The following CLASP1 variants were observed in gnomAD, a reference collection of about 807,000 sequenced individuals.
CLASP1 encodes the protein CLIP-associating protein 1.
CLASP1 carries 38 observed loss-of-function variants against 192.3 expected under a neutral mutation model. The ratio of observed to expected loss-of-function variants is 0.20; its 90% confidence interval spans 0.15 to 0.26. The LOEUF (loss-of-function observed/expected upper bound fraction) is 0.26, where lower values mean the gene tolerates loss of function less well. Ranked by LOEUF, CLASP1 falls within the 10% of genes least tolerant of loss-of-function variation. CLASP1 has a pLI of 1.00. For synonymous variants in CLASP1, 691 were observed against 712.8 expected (o/e 0.97, Z 0.49); for missense variants, 1,433 against 1,932.5 (o/e 0.74, Z 4.85).
chr2:121,623,973 A>C (rs1429995335), intron 1 of CLASP1, among the ~76,000 whole-genome samples: 3 of 152,186 alleles, frequency 2.0e-5, no homozygotes, highest in South Asian at 2.1e-4. Flanking sequence ...ATTTCCTTAT[A>C]ATCTTTTTTA....
At chr2:121,535,053 G>A (rs189160090) in intron 2 of CLASP1, among the ~76,000 whole-genome samples, 236 of 152,286 alleles carry the variant, frequency 1.5e-3, no homozygotes, top group African/African-American at 5.2e-3. Context: ...AGAGGCAGGC[G>A]GATTGCCTTA....
intron 2 of CLASP1, among the ~76,000 whole-genome samples, chr2:121,584,423 C>T (rs577678873): frequency 7.9e-5 from 12 of 152,270 alleles, no homozygotes; most frequent in South Asian, 4.1e-4. Context: ...GCTTACATGG[C>T]GACTTAAAGT....
At chr2:121,550,152 G>C (rs2057902856) in intron 2 of CLASP1, among the ~76,000 whole-genome samples, 1 of 151,996 alleles carries the variant, frequency 6.6e-6, no homozygotes. Flanking sequence ...AAAGACTTTA[G>C]GGTAAATAAA....
At chr2:121,640,238 G>A (rs2071779668) in intron 1 of CLASP1, among the ~76,000 whole-genome samples, 1 of 151,962 alleles carries the variant, frequency 6.6e-6, no homozygotes, top group African/African-American at 2.4e-5. Flanking sequence ...GGGGCCGGGG[G>A]AGGAATAGCA....
intron 2 of CLASP1, among the ~76,000 whole-genome samples, chr2:121,548,728 G>C (rs1325973400): frequency 6.6e-6 from 1 of 151,766 alleles, no homozygotes; most frequent in Admixed American, 6.6e-5. Context: ...CTGAAACCCT[G>C]TAAGTCAGAA....
chr2:121,519,887 G>GC (rs1006811470), intron 6 of CLASP1, among the ~76,000 whole-genome samples: 4 of 152,172 alleles, frequency 2.6e-5, no homozygotes, highest in African/African-American at 4.8e-5. Context: ...GGACAATGCA[G>GC]CTATTCACTT....
Position 121,502,740 on chromosome 2 carries a change from T to A in CLASP1, c.712+427A>T, listed in dbSNP as rs1248751972. ...AGTCTTTGGAGGATTAGGAAGAAGA[T>A]TAACACCACCCGACTTGTATTCTGA... is the stretch of plus-strand genomic sequence containing the variant. On this transcript the variant is annotated intron_variant, in intron 8 of 39. Coordinates refer to ENST00000263710, the Ensembl canonical transcript of CLASP1. Among the ~76,000 whole-genome samples, 4 of 152,090 alleles carry A rather than the reference T, an allele frequency of 2.6e-5. No homozygotes were observed. The South Asian group carries it at 6.2e-4, about 24-fold the overall frequency.
chr2:121,594,540 CCGAT>C lies in CLASP1; in HGVS notation c.195+11157_195+11160del, dbSNP rs879678883. On this transcript the variant is annotated intron_variant, in intron 2 of 39. Transcript: ENST00000263710. ...CCCGAGTAGCTGGGACTACAGGCAC[CCGAT>C]ACCACGCCCGGCTAATTTCTGTATT... Among the ~76,000 whole-genome samples the C allele has an allele frequency of 2.7e-3, 413 of 151,478 alleles. 2 individuals carry two copies. Among genetic ancestry groups the C allele is most frequent in the Middle Eastern group, 6.8e-3 (2 of 292 alleles).
rs1401325187 is a variant in CLASP1 at position 121,563,452 on chromosome 2, T to C, written c.196-33127A>G. ...CTCTTCCATTCCAGAATTTCACTCA[T>C]GCTTTCAAACATACCATGCTTTTAG... On this transcript the variant is annotated intron_variant, in intron 2 of 39. Coordinates refer to ENST00000263710, the Ensembl canonical transcript of CLASP1. 2.6e-5 allele frequency among the ~76,000 whole-genome samples: 4 copies of C among 152,218 alleles called. No individual in the cohort carries two copies. In the South Asian group the frequency reaches 6.2e-4, roughly 24 times the overall value.
At chr2:121,632,061 AAAATAAAATAAAT>A (rs1003209349) in intron 1 of CLASP1, among the ~76,000 whole-genome samples, 4 of 152,000 alleles carry the variant, frequency 2.6e-5, no homozygotes, top group Admixed American at 6.6e-5. Context: ...CAAATAAAAT[AAAATAAAATAAAT>A]AAATAAAATA....
intron 8 of CLASP1, chr2:121,490,265 T>G (rs2093228869): frequency 4.4e-6 from 2 of 454,280 alleles, no homozygotes; most frequent in African/African-American, 2.0e-5. Context: ...TATATTAGAA[T>G]AGCCTACCTT....
At chr2:121,449,278 G>A (rs183930726) in intron 16 of CLASP1, among the ~76,000 whole-genome samples, 158 bp from the exon 17 acceptor site, 128 of 152,292 alleles carry the variant, frequency 8.4e-4, no homozygotes, top group African/African-American at 3.0e-3. Flanking sequence ...GACCTGGTAC[G>A]AATCCTGGCC....
At chr2:121,488,067 C>T (rs1020571362) in intron 8 of CLASP1, among the ~76,000 whole-genome samples, 7 of 152,182 alleles carry the variant, frequency 4.6e-5, no homozygotes, top group African/African-American at 1.7e-4. Context: ...GCGAGATACA[C>T]TGGCTCACCT....
intron 19 of CLASP1, 80 bp from the exon 20 acceptor site, chr2:121,430,257 A>C: frequency 2.7e-6 from 3 of 1,103,950 alleles, no homozygotes; most frequent in South Asian, 1.4e-5. Context: ...CATGCCCCAA[A>C]AGAGGGGCAC....
chr2:121,392,664 G>C (rs1467955314), intron 30 of CLASP1, among the ~76,000 whole-genome samples: 7 of 152,166 alleles, frequency 4.6e-5, no homozygotes, highest in Admixed American at 2.6e-4. Context: ...GAGTGGCAGA[G>C]GCAGATGTCA....
chr2:121,633,802 C>G (rs961447663), intron 1 of CLASP1, among the ~76,000 whole-genome samples: 5 of 151,886 alleles, frequency 3.3e-5, no homozygotes, highest in Admixed American at 6.6e-5. Context: ...GTCAGGAGAT[C>G]GAGACCATCC....
chr2:121,430,047 G>C, intron 20 of CLASP1, 26 bp downstream of exon 20: 2 of 1,501,630 alleles, frequency 1.3e-6, no homozygotes, highest in Non-Finnish European at 1.8e-6. Flanking sequence ...ACTGAGGTAA[G>C]CAAGAGCATA....
chr2:121,531,027 G>A (rs760048112), intron 2 of CLASP1: 85 of 699,970 alleles, frequency 1.2e-4, no homozygotes, highest in East Asian at 4.0e-4. Flanking sequence ...TGTTTTCATA[G>A]ACTTATCAGT....
intron 7 of CLASP1, among the ~76,000 whole-genome samples, chr2:121,511,015 C>A (rs142871145): frequency 6.6e-6 from 1 of 152,138 alleles, no homozygotes; most frequent in East Asian, 1.9e-4. Flanking sequence ...CTGAAACAGG[C>A]TTCACAGACT....
Sources: allele counts gnomAD v4.1 joint callset (sites outside exome capture counted in the v4.1 genomes callset), GRCh38; gene constraint gnomAD v4.1.1; transcripts MANE v1.5; gene names NCBI Gene and HGNC (gene_info 2026-07-23, HGNC 2026-07-21).